GLI3: variants seen among roughly 807,000 people sequenced by gnomAD.
The protein encoded by GLI3 is transcription activator GLI3.
Under a neutral mutation model 100.8 loss-of-function variants are expected in GLI3, and 20 were observed. That is an observed-to-expected ratio of 0.20 (90% CI 0.14 to 0.29). The LOEUF is 0.29. Among genes scored for constraint, GLI3 ranks in the 10% least tolerant of loss-of-function variants. The probability of loss-of-function intolerance (pLI) is 1.00; values close to 1 mark genes in which losing one functional copy is unlikely to be tolerated. For missense variants in GLI3, 2,040 were observed against 2,128.5 expected (o/e 0.96, Z 0.82); for synonymous variants, 938 against 860.5 (o/e 1.09, Z -1.58).
At chr7:42,245,512 T>C (rs1037713312) in intron 1 of GLI3, among the ~76,000 whole-genome samples, 1 of 151,926 alleles carries the variant, frequency 6.6e-6, no homozygotes, top group Non-Finnish European at 1.5e-5. Context: ...ACCCTGCCTG[T>C]ACTAAAAAAT....
At chr7:42,117,147 A>C (rs1214993580) in intron 3 of GLI3, among the ~76,000 whole-genome samples, 1 of 152,186 alleles carries the variant, frequency 6.6e-6, no homozygotes, top group Non-Finnish European at 1.5e-5. Context: ...AAAAATTACT[A>C]TGTCAAGGAA....
chr7:42,102,625 A>C (rs1337305372), intron 3 of GLI3, among the ~76,000 whole-genome samples: 1 of 152,238 alleles, frequency 6.6e-6, no homozygotes, highest in Non-Finnish European at 1.5e-5. Context: ...CTTGGGCTTC[A>C]GTGCCTCACC....
Position 41,966,783 on chromosome 7 carries a change from C to A in GLI3, c.2432-142G>T. Reference sequence around the variant, plus strand: ...CCAGGCCACATTGCCTGCCTCACAACTACTCAGCTCTGCAGTGTAGCCCCA... The same window carrying A: ...CCAGGCCACATTGCCTGCCTCACAAATACTCAGCTCTGCAGTGTAGCCCCA... On this transcript the variant is annotated intron_variant, in intron 14 of 14. Coordinates refer to ENST00000395925, the MANE Select transcript of GLI3 (RefSeq NM_000168.6). The surrounding 1 kb of genome is among the most constrained non-coding windows in gnomAD (Gnocchi z 5.8). 1 of 804,778 alleles carries A rather than the reference C, an allele frequency of 1.2e-6. No individual in the cohort carries two copies. Among genetic ancestry groups the A allele is most frequent in the Admixed American group, 2.0e-5 (1 of 50,526 alleles). 49.9% of individuals were successfully genotyped at this position (804,778 alleles called of 1,614,324 possible). A position where few individuals can be genotyped will look rare whatever the true frequency, so the allele number is the denominator to read the frequency against.
chr7:42,245,417 C>T lies in GLI3; in HGVS notation c.-43+18577G>A, dbSNP rs187164798. On this transcript the variant is annotated intron_variant, in intron 1 of 2. Transcript: ENST00000678978. ...AATTTTAAGATCTACCTTCTCATGC[C>T]TGTAATCCCAGGCTTACTTTGGGAG... 3.4e-4 allele frequency among the ~76,000 whole-genome samples: 52 copies of T among 152,320 alleles called. 2 individuals carry two copies. Among genetic ancestry groups the T allele is most frequent in the African/African-American group, 1.2e-3 (51 of 41,576 alleles).
intron 2 of GLI3, among the ~76,000 whole-genome samples, chr7:42,155,494 G>A (rs557539794): frequency 2.6e-5 from 4 of 151,386 alleles, no homozygotes; most frequent in South Asian, 4.2e-4. Context: ...CCATAGAGTA[G>A]CTTAATTGTT....
At chr7:42,134,093 A>AG (rs1483188363) in intron 3 of GLI3, among the ~76,000 whole-genome samples, 1 of 151,502 alleles carries the variant, frequency 6.6e-6, no homozygotes, top group Non-Finnish European at 1.5e-5. Flanking sequence ...AAAAAAAAAA[A>AG]AAGAAAAAAA....
intron 1 of GLI3, among the ~76,000 whole-genome samples, chr7:42,225,521 A>G (rs1255972821): frequency 6.6e-6 from 1 of 151,966 alleles, no homozygotes; most frequent in African/African-American, 2.4e-5. Flanking sequence ...CACCATGCCC[A>G]GCTAATTTTT....
At chr7:42,077,359 T>C (rs1370091471) in intron 3 of GLI3, among the ~76,000 whole-genome samples, 1 of 142,956 alleles carries the variant, frequency 7.0e-6, no homozygotes, top group Non-Finnish European at 1.5e-5. Flanking sequence ...TACACATGCA[T>C]GCATGTGCTT....
intron 2 of GLI3, 152 bp from the exon 3 acceptor site, chr7:42,148,620 T>C: frequency 5.4e-6 from 4 of 744,126 alleles, no homozygotes; most frequent in Non-Finnish European, 9.0e-6. Context: ...AGGGCTGGGA[T>C]GGGATCTTTG....
intron 4 of GLI3, among the ~76,000 whole-genome samples, chr7:42,063,056 A>C (rs529161504): frequency 6.6e-6 from 1 of 152,180 alleles, no homozygotes; most frequent in South Asian, 2.1e-4. Context: ...ATACACCAGC[A>C]TAACCATCAC....
intron 10 of GLI3, among the ~76,000 whole-genome samples, chr7:42,018,119 C>A (rs1243062649): frequency 2.0e-5 from 3 of 152,210 alleles, no homozygotes; most frequent in Admixed American, 6.5e-5. Flanking sequence ...CGCAATCAAT[C>A]TGATCTCCTG....
chr7:42,024,140 T>C lies in GLI3; in HGVS notation c.1357-532A>G, dbSNP rs148494766. 7.5e-3 allele frequency among the ~76,000 whole-genome samples: 1,141 copies of C among 152,332 alleles called. 17 individuals carry two copies. The highest frequency in any genetic ancestry group is 0.026 in the African/African-American group (1,091 of 41,570). On this transcript the variant is annotated intron_variant, in intron 9 of 14. Transcript: ENST00000395925. ...CTGTTGGAGACTGTGTGAGACACTT[T>C]TGTAGACTTTATAGGGATAATGCCC...
In GLI3 at chr7:42,116,968, G is replaced by C. The variant is rs948147181; in HGVS notation, c.367+31258C>G. Among the ~76,000 whole-genome samples the C allele has an allele frequency of 1.1e-4, 16 of 152,302 alleles. No individual in the cohort carries two copies. The East Asian group carries it at 2.5e-3, about 24-fold the overall frequency. ...CTTTACCAATGTTCAGCCATACGCA[G>C]ATATCACTTGTGAACTAAACAGTGT... is the stretch of plus-strand genomic sequence containing the variant. On this transcript the variant is annotated intron_variant, in intron 3 of 14. Transcript: ENST00000395925.
chr7:42,208,602 G>A (rs1788202912), intron 2 of GLI3, among the ~76,000 whole-genome samples: 1 of 152,070 alleles, frequency 6.6e-6, no homozygotes, highest in Admixed American at 6.6e-5. Context: ...TTGTACTCTT[G>A]GTTTTGTTTC....
At chr7:42,027,406 C>CCTG (rs1196678332) in intron 7 of GLI3, among the ~76,000 whole-genome samples, 2 of 152,066 alleles carry the variant, frequency 1.3e-5, no homozygotes, top group African/African-American at 4.8e-5. Flanking sequence ...TTCTCCCTGT[C>CCTG]CTGCTGTGTA....
rs1433114203 is a variant in GLI3, at chr7:42,115,331, G to A, written c.367+32895C>T. Among the ~76,000 whole-genome samples the A allele has an allele frequency of 2.0e-5, 3 of 151,712 alleles. 1 individual carries two copies. The highest frequency in any genetic ancestry group is 1.3e-4 in the Admixed American group (2 of 15,246). ...GTTTTTGTATTTTTAGTAGAGACAG[G>A]GTTTCACCATATTGGCCAGGCTGGT... On this transcript the variant is annotated intron_variant, in intron 3 of 14. Transcript: ENST00000395925.
chr7:42,182,664 ATATATATATATATATATACACATGTGTG>A (rs1308483052), intron 2 of GLI3, among the ~76,000 whole-genome samples: 35 of 78,310 alleles, frequency 4.5e-4, no homozygotes, highest in East Asian at 2.1e-3. Flanking sequence ...ATATATATAT[ATATATATATATATATATACACATGTGTG>A]TATATATATA....
chr7:42,181,016 C>T (rs896483866), intron 2 of GLI3, among the ~76,000 whole-genome samples: 10 of 152,124 alleles, frequency 6.6e-5, no homozygotes, highest in Admixed American at 6.5e-4. Context: ...GTTTTGCAGG[C>T]CAGTCTGTTG....
upstream of GLI3, among the ~76,000 whole-genome samples, chr7:42,238,371 C>T (rs369926263): frequency 6.6e-6 from 1 of 152,150 alleles, no homozygotes. Flanking sequence ...CCTTGGCTCC[C>T]CATCTCCTTG....
Sources: gnomAD v4.1 joint callset for allele counts (sites outside exome capture counted in the v4.1 genomes callset) on GRCh38, gnomAD v4.1.1 for gene constraint, Gnocchi (gnomAD v3.1) non-coding constraint, MANE v1.5 for transcripts, NCBI Gene and HGNC (gene_info 2026-07-23, HGNC 2026-07-21) for gene names.